The following PLXDC2 variants were observed in gnomAD, a reference collection of about 807,000 sequenced individuals.
PLXDC2 encodes plexin domain containing 2.
Under a neutral mutation model 68.9 loss-of-function variants are expected in PLXDC2, and 40 were observed. That is an observed-to-expected ratio of 0.58 (90% CI 0.45 to 0.76). The LOEUF (loss-of-function observed/expected upper bound fraction) is 0.76, where lower values mean the gene tolerates loss of function less well. PLXDC2 is among the 30% of genes least tolerant of loss of function. PLXDC2 has a pLI of 0.00. For synonymous variants in PLXDC2, 243 were observed against 234.2 expected, an observed-to-expected ratio of 1.04 and a Z score of -0.34; for missense variants, 644 against 661.9, an observed-to-expected ratio of 0.97 and a Z score of 0.30.
chr10:19,886,716 A>G (rs1023888206), intron 1 of PLXDC2, among the ~76,000 whole-genome samples: 6 of 152,228 alleles, frequency 3.9e-5, no homozygotes, highest in African/African-American at 1.2e-4. Context: ...AACTGGCACA[A>G]GACAGGGATG....
intron 9 of PLXDC2, among the ~76,000 whole-genome samples, chr10:20,189,476 C>CATATATAT (rs59999548): frequency 0.076 from 5,760 of 75,532 alleles, 330 homozygotes; most frequent in African/African-American, 0.096. Flanking sequence ...AAAGGTAGGC[C>CATATATAT]ATATATATAT....
At chr10:20,037,752 G>A (rs1373106238) in intron 2 of PLXDC2, among the ~76,000 whole-genome samples, 1 of 152,114 alleles carries the variant, frequency 6.6e-6, no homozygotes, top group African/African-American at 2.4e-5. Flanking sequence ...TGCTTTCATG[G>A]CCATATAGCT....
intron 1 of PLXDC2, among the ~76,000 whole-genome samples, chr10:19,822,270 AATATATGCACT>A (rs1410875585): frequency 1.1e-3 from 161 of 149,298 alleles, no homozygotes; most frequent in African/African-American, 3.7e-3. Context: ...CAATATATAT[AATATATGCACT>A]ATATATGCAA....
intron 1 of PLXDC2, among the ~76,000 whole-genome samples, chr10:19,950,422 T>C (rs930318655): frequency 5.9e-5 from 9 of 152,128 alleles, no homozygotes; most frequent in African/African-American, 1.7e-4. Flanking sequence ...TAGCCACACA[T>C]ACAGTATCCC....
At chr10:20,017,213 T>G (rs191769014) in intron 2 of PLXDC2, among the ~76,000 whole-genome samples, 5 of 152,262 alleles carry the variant, frequency 3.3e-5, no homozygotes, top group Admixed American at 3.3e-4. Context: ...GAGTGCTGAT[T>G]GGGCTTTGTC....
chr10:20,148,154 T>C (rs756171712), intron 6 of PLXDC2, among the ~76,000 whole-genome samples: 4 of 152,206 alleles, frequency 2.6e-5, no homozygotes, highest in Non-Finnish European at 5.9e-5. Flanking sequence ...AGTAATTATA[T>C]TGACTAATTA....
In PLXDC2 at chr10:19,962,611, C is replaced by T. The variant is rs1483672468; in HGVS notation, c.113-39164C>T. ...TTCACCGTGTTAGCCAATATGGTCT[C>T]GATCTCCTGACGTCGTGATCCGCCT... On this transcript the variant is annotated intron_variant, in intron 1 of 13. Transcript: ENST00000377252. Among the ~76,000 whole-genome samples the T allele has an allele frequency of 2.7e-5, 4 of 146,706 alleles. No individual in the cohort carries two copies. The East Asian group carries it at 6.3e-4, about 23-fold the overall frequency.
chr10:20,097,842 A>G (rs973292517), intron 4 of PLXDC2, among the ~76,000 whole-genome samples: 1 of 150,980 alleles, frequency 6.6e-6, no homozygotes, highest in African/African-American at 2.4e-5. Context: ...TTTAATTTTA[A>G]AAATTAGTCA....
intron 1 of PLXDC2, among the ~76,000 whole-genome samples, chr10:19,927,713 CAAAAAAAAAAAAAAA>C (rs35250324): frequency 3.8e-5 from 2 of 53,142 alleles, no homozygotes; most frequent in Non-Finnish European, 6.2e-5. Context: ...GGAAAAAAAG[CAAAAAAAAAAAAAAA>C]AAAAAAAAAA....
chr10:20,169,656 T>G (rs1267868084), intron 7 of PLXDC2, among the ~76,000 whole-genome samples: 1 of 152,190 alleles, frequency 6.6e-6, no homozygotes, highest in African/African-American at 2.4e-5. Context: ...TTTCTCTACT[T>G]TCCGAGCTTA....
chr10:20,206,099 A>G (rs143353152), intron 9 of PLXDC2, among the ~76,000 whole-genome samples: 16 of 152,248 alleles, frequency 1.1e-4, no homozygotes, highest in African/African-American at 2.4e-4. Flanking sequence ...ATCTTTTCAC[A>G]TTACATACAT....
chr10:19,965,934 A>G (rs1834240353), intron 1 of PLXDC2, among the ~76,000 whole-genome samples: 1 of 152,120 alleles, frequency 6.6e-6, no homozygotes, highest in African/African-American at 2.4e-5. Flanking sequence ...CTCAGTCTCA[A>G]TTCTAGAAGA....
At chr10:19,936,799 A>G (rs1564633320) in intron 1 of PLXDC2, among the ~76,000 whole-genome samples, 2 of 152,200 alleles carry the variant, frequency 1.3e-5, no homozygotes, top group South Asian at 4.1e-4. Flanking sequence ...TCTCAATGGC[A>G]ATTAACTTGA....
intron 3 of PLXDC2, among the ~76,000 whole-genome samples, chr10:20,052,866 C>T (rs1472292144): frequency 6.6e-6 from 1 of 151,976 alleles, no homozygotes; most frequent in East Asian, 1.9e-4. Flanking sequence ...CCAGAAAAGG[C>T]AACTTCCCAC....
chr10:20,273,980 A>T (rs184503705), intron 13 of PLXDC2, among the ~76,000 whole-genome samples: 1 of 147,552 alleles, frequency 6.8e-6, no homozygotes, highest in African/African-American at 2.5e-5. Context: ...TTGAGGCTGC[A>T]TTGAGAGTTG....
intron 2 of PLXDC2, among the ~76,000 whole-genome samples, chr10:20,035,928 AC>A (rs1835569874): frequency 1.3e-5 from 2 of 152,190 alleles, no homozygotes; most frequent in South Asian, 4.1e-4. Flanking sequence ...TTAAAATTAT[AC>A]ATAGAAGTCA....
intron 4 of PLXDC2, among the ~76,000 whole-genome samples, chr10:20,125,481 C>T (rs1327102463): frequency 2.0e-5 from 3 of 152,110 alleles, no homozygotes; most frequent in Admixed American, 1.3e-4. Context: ...CTTGGCGGAC[C>T]AGACTACTAA....
intron 1 of PLXDC2, among the ~76,000 whole-genome samples, chr10:19,885,386 T>A (rs553438734): frequency 6.6e-6 from 1 of 152,096 alleles, no homozygotes; most frequent in Non-Finnish European, 1.5e-5. Flanking sequence ...TTTTGGCTTT[T>A]GTTGCCATTG....
chr10:20,081,783 G>A (rs1015385415), intron 4 of PLXDC2, among the ~76,000 whole-genome samples: 1 of 151,774 alleles, frequency 6.6e-6, no homozygotes, highest in Non-Finnish European at 1.5e-5. Context: ...GCTCATGCCT[G>A]TAATCCCAGC....
Sources: allele counts gnomAD v4.1 joint callset (sites outside exome capture counted in the v4.1 genomes callset), GRCh38; gene constraint gnomAD v4.1.1; transcripts MANE v1.5; gene names NCBI Gene and HGNC (gene_info 2026-07-23, HGNC 2026-07-21).